Variants in CD200R1L observed in about 807,000 individuals in gnomAD.
CD200R1L encodes the protein cell surface glycoprotein CD200 receptor 2.
In CD200R1L, 14 loss-of-function variants were observed where a neutral mutation model predicts 24.8. The ratio of observed to expected loss-of-function variants is 0.56; its 90% CI spans 0.37 to 0.88. The LOEUF is 0.88. Ranked by LOEUF, CD200R1L falls within the 40% of genes least tolerant of loss-of-function variation. The pLI is 0.00. For missense variants in CD200R1L, 299 were observed against 297.8 expected (o/e 1.00, Z -0.03); for synonymous variants, 111 against 109.2 (o/e 1.02, Z -0.11).
intron 6 of CD200R1L, among the ~76,000 whole-genome samples, chr3:112,823,523 A>C (rs1415513101): frequency 6.6e-6 from 1 of 152,146 alleles, no homozygotes; most frequent in Admixed American, 6.5e-5. Context: ...GTGTCCAGAG[A>C]GTTGGAGAAT....
At chr3:112,820,290 A>G (rs1009055556) in intron 6 of CD200R1L, among the ~76,000 whole-genome samples, 4 of 152,194 alleles carry the variant, frequency 2.6e-5, no homozygotes, top group African/African-American at 7.2e-5. Context: ...TTTCCACACA[A>G]TGAAGTGATT....
intron 3 of CD200R1L, among the ~76,000 whole-genome samples, chr3:112,831,055 A>C (rs1938786143): frequency 6.6e-6 from 1 of 152,204 alleles, no homozygotes; most frequent in African/African-American, 2.4e-5. Flanking sequence ...TGACTAAACA[A>C]AGCATCTCAT....
At chr3:112,843,640 C>T (rs1014547978) in intron 2 of CD200R1L, among the ~76,000 whole-genome samples, 3 of 152,178 alleles carry the variant, frequency 2.0e-5, no homozygotes, top group South Asian at 2.1e-4. Context: ...AAAGAAACTA[C>T]ACAATCAAGA....
Position 112,838,014 on chromosome 3 carries a change from G to C in CD200R1L, c.-86-4C>G. 8.3e-7 allele frequency: 1 copy of C among 1,206,112 alleles called. No individual in the cohort carries two copies. The highest frequency in any genetic ancestry group is 1.1e-6 in the Non-Finnish European group (1 of 936,910). 74.7% of individuals were successfully genotyped at this position (1,206,112 alleles called of 1,614,324 possible). ...AGACAGGAATTATTATCTGAGGCTA[G>C]AAAATATTTAAAGAAGAAATATGGA... On this transcript the variant is annotated splice_polypyrimidine_tract_variant and splice_region_variant and intron_variant, in intron 2 of 7. Transcript: ENST00000488794.
intron 3 of CD200R1L, 83 bp from the exon 4 acceptor site, chr3:112,829,467 A>C: frequency 1.5e-6 from 2 of 1,378,806 alleles, no homozygotes; most frequent in Non-Finnish European, 2.0e-6. Flanking sequence ...AGTCTTACTC[A>C]ACATGAAGAC....
chr3:112,821,631 T>C (rs1345526845), intron 6 of CD200R1L, among the ~76,000 whole-genome samples: 1 of 142,326 alleles, frequency 7.0e-6, no homozygotes, highest in Non-Finnish European at 1.5e-5. Flanking sequence ...GATCACCGAC[T>C]GTTTCTGAGA....
rs1479671920 is a variant in CD200R1L at position 112,827,123 on chromosome 3, C to T, written c.486G>A (p.Lys162=). 2 of 1,613,518 alleles carry T rather than the reference C, an allele frequency of 1.2e-6. No homozygotes were observed. Among genetic ancestry groups the T allele is most frequent in the South Asian group, 1.1e-5 (1 of 91,044 alleles). ...WIPEGSILAT[K]QEYWGNGTVT... Reference sequence around the variant, plus strand: ...CTGTGCCATTGCCCCAGTATTCTTGCTTAGTGGCAAGAATAGATCCCTCTG... The same window carrying T: ...CTGTGCCATTGCCCCAGTATTCTTGTTTAGTGGCAAGAATAGATCCCTCTG... Residue 162 remains lysine, a synonymous_variant, in exon 6 of 8, where the codon AAG becomes AAA. Transcript: ENST00000488794.
In CD200R1L at chr3:112,822,172, T is replaced by C. The variant is rs549939994; in HGVS notation, c.617-2277A>G. 1.1e-4 allele frequency among the ~76,000 whole-genome samples: 16 copies of C among 152,298 alleles called. 1 individual carries two copies. The South Asian group carries it at 3.3e-3, about 32-fold the overall frequency. ...TAAGTGGTTGTAATATGATAAGCAA[T>C]ATGTATGTATTTGGTCTTTGTCCCC... On this transcript the variant is annotated intron_variant, in intron 6 of 7. Coordinates refer to ENST00000488794, the MANE Select transcript of CD200R1L (RefSeq NM_001199215.3).
At chr3:112,839,845 G>T (rs1182962876) in intron 2 of CD200R1L, among the ~76,000 whole-genome samples, 2 of 152,158 alleles carry the variant, frequency 1.3e-5, no homozygotes, top group African/African-American at 4.8e-5. Flanking sequence ...AAACTGTAAT[G>T]ATTTTTCTTC....
At chr3:112,829,637 T>C in intron 3 of CD200R1L, 1 of 749,074 alleles carries the variant, frequency 1.3e-6, no homozygotes, top group Non-Finnish European at 1.6e-6. Context: ...TTTAGTCAAC[T>C]AGTTTGTATG....
Position 112,827,608 on chromosome 3 carries a change from G to C in CD200R1L, c.126C>G (p.Ile42Met), listed in dbSNP as rs1345598151. ...CCPPIALRNL[I>M]IITWEIILRG... Reference sequence around the variant, plus strand: ...TCAGGATTATTTCCCATGTTATTATGATCAAATTTCTTAATGCGATAGGAG... The same window carrying C: ...TCAGGATTATTTCCCATGTTATTATCATCAAATTTCTTAATGCGATAGGAG... Residue 42 changes from isoleucine (I) to methionine (M), a missense_variant, in exon 5 of 8, where the codon ATC becomes ATG. Ile to Met is a conservative substitution (Grantham distance 10). Transcript: ENST00000488794. 1.2e-6 allele frequency: 2 copies of C among 1,613,866 alleles called. No individual in the cohort carries two copies. Among genetic ancestry groups the C allele is most frequent in the Non-Finnish European group, 1.7e-6 (2 of 1,179,876 alleles).
At chr3:112,832,487 C>T (rs1044870863) in intron 3 of CD200R1L, among the ~76,000 whole-genome samples, 4 of 151,954 alleles carry the variant, frequency 2.6e-5, no homozygotes, top group East Asian at 1.9e-4. Context: ...CCCCCCTTGG[C>T]GAAGATAGTA....
chr3:112,833,834 CT>C (rs908065149), intron 3 of CD200R1L, among the ~76,000 whole-genome samples: 6 of 152,312 alleles, frequency 3.9e-5, no homozygotes, highest in African/African-American at 1.4e-4. Flanking sequence ...CAAAAGTGGA[CT>C]GTTGTGGCAC....
chr3:112,831,914 A>G (rs1200197410), intron 3 of CD200R1L, among the ~76,000 whole-genome samples: 2 of 152,266 alleles, frequency 1.3e-5, no homozygotes, highest in African/African-American at 2.4e-5. Context: ...CTAAGGCACC[A>G]GTAATTTTAA....
At chr3:112,819,289 G>A (rs1190711730) in intron 7 of CD200R1L, among the ~76,000 whole-genome samples, 1 of 152,154 alleles carries the variant, frequency 6.6e-6, no homozygotes, top group Non-Finnish European at 1.5e-5. Context: ...CGCAAAAGAA[G>A]TTAAGCTAGA....
chr3:112,842,120 C>T (rs999672122), intron 2 of CD200R1L, among the ~76,000 whole-genome samples: 3 of 152,182 alleles, frequency 2.0e-5, no homozygotes, highest in Non-Finnish European at 2.9e-5. Context: ...GCTGGTTGGG[C>T]CTGCTCCTGG....
rs951923919 is a variant in CD200R1L, at chr3:112,815,713, G to T, written c.*250C>A. On this transcript the variant is annotated 3_prime_UTR_variant, in exon 8 of 8. Transcript: ENST00000488794. The stretch of plus-strand genomic sequence containing the variant: ...TAGAGTAAAACCAAAAATAACACTG[G>T]CATGAACAAAATTTTATTCACTCTA... 2 of 461,232 alleles carry T rather than the reference G, an allele frequency of 4.3e-6. No homozygotes were observed. The highest frequency in any genetic ancestry group is 1.0e-4 in the South Asian group (2 of 19,064). The allele number at this position is 461,232 out of a possible 1,614,324, so 28.6% of individuals were successfully genotyped here.
intron 2 of CD200R1L, among the ~76,000 whole-genome samples, chr3:112,838,615 T>G (rs954514611): frequency 1.2e-4 from 18 of 152,134 alleles, no homozygotes; most frequent in African/African-American, 3.4e-4. Context: ...AAATTTAAAT[T>G]TATTGTGATT....
intron 6 of CD200R1L, among the ~76,000 whole-genome samples, chr3:112,821,842 C>CTCTATT (rs1409779367): frequency 6.6e-6 from 1 of 152,204 alleles, no homozygotes; most frequent in Non-Finnish European, 1.5e-5. Context: ...GTTTAATCAA[C>CTCTATT]TCTAACACAG....
Sources: allele counts gnomAD v4.1 joint callset (sites outside exome capture counted in the v4.1 genomes callset), GRCh38; gene constraint gnomAD v4.1.1; transcripts MANE v1.5; gene names NCBI Gene and HGNC (gene_info 2026-07-23, HGNC 2026-07-21).